Variants in HTR1E observed in about 807,000 individuals in gnomAD.
The protein encoded by HTR1E is 5-hydroxytryptamine receptor 1E, also known as 5-HT-1E.
HTR1E carries 3 observed loss-of-function variants against 3.4 expected under a neutral mutation model. The ratio of observed to expected loss-of-function variants is 0.89; its 90% CI spans 0.41 to 2.31. The LOEUF (loss-of-function observed/expected upper bound fraction) is 2.31, where lower values mean the gene tolerates loss of function less well. Among genes scored for constraint, HTR1E ranks in the 30% most tolerant of loss-of-function variants. The probability of loss-of-function intolerance (pLI) is 0.05; values close to 1 mark genes in which losing one functional copy is unlikely to be tolerated. For missense variants in HTR1E, 392 were observed against 467.0 expected, an observed-to-expected ratio of 0.84 and a Z score of 1.48; for synonymous variants, 170 against 182.8, an observed-to-expected ratio of 0.93 and a Z score of 0.56.
intron 1 of HTR1E, among the ~76,000 whole-genome samples, chr6:86,950,135 T>C (rs908980995): frequency 6.6e-6 from 1 of 152,242 alleles, no homozygotes; most frequent in African/African-American, 2.4e-5. Flanking sequence ...TTCAAATTCA[T>C]AATCATTGTT....
chr6:87,006,663 T>C (rs140351148), intron 1 of HTR1E, among the ~76,000 whole-genome samples: 6 of 152,174 alleles, frequency 3.9e-5, no homozygotes, highest in Admixed American at 6.5e-5. Context: ...AGCAAAAACA[T>C]GAAATCAACC....
intron 1 of HTR1E, among the ~76,000 whole-genome samples, chr6:86,973,577 T>A (rs143245838): frequency 2.7e-4 from 41 of 152,292 alleles, no homozygotes; most frequent in African/African-American, 9.9e-4. Context: ...CAAATACATA[T>A]GTTCTGTAGG....
chr6:86,945,832 A>G (rs547642675), intron 1 of HTR1E, among the ~76,000 whole-genome samples: 4 of 151,704 alleles, frequency 2.6e-5, no homozygotes, highest in Non-Finnish European at 4.4e-5. Flanking sequence ...CCGCCTCCCC[A>G]GTTTCAAGCA....
intron 1 of HTR1E, 73 bp from the exon 2 acceptor site, chr6:87,015,077 T>C (rs1378367556): frequency 6.8e-6 from 2 of 293,768 alleles, no homozygotes; most frequent in South Asian, 1.6e-4. Flanking sequence ...TTTATAAATA[T>C]CAAACTATTT....
intron 1 of HTR1E, among the ~76,000 whole-genome samples, chr6:86,961,352 G>T (rs1036845095): frequency 6.6e-6 from 1 of 152,096 alleles, no homozygotes; most frequent in South Asian, 2.1e-4. Flanking sequence ...TGTCAGGTTC[G>T]TAAGAAAAAG....
At chr6:86,949,356 C>CCTG (rs548419411) in intron 1 of HTR1E, among the ~76,000 whole-genome samples, 9 of 152,044 alleles carry the variant, frequency 5.9e-5, no homozygotes, top group East Asian at 1.9e-4. Context: ...TAAGTGTGTC[C>CCTG]CTGCTGCTGC....
chr6:86,973,088 T>C (rs961980108), intron 1 of HTR1E, among the ~76,000 whole-genome samples: 7 of 152,284 alleles, frequency 4.6e-5, no homozygotes, highest in South Asian at 2.1e-4. Context: ...TCTAGCAAGG[T>C]TGGATACCTC....
chr6:86,958,057 A>AT (rs1247030477), intron 1 of HTR1E, among the ~76,000 whole-genome samples: 11,240 of 131,196 alleles, frequency 0.086, 777 homozygotes, highest in East Asian at 0.18. Flanking sequence ...CAATAGAGGC[A>AT]TTTTTTTTTT....
chr6:86,997,725 G>C (rs1238011470), intron 1 of HTR1E, among the ~76,000 whole-genome samples: 1 of 151,562 alleles, frequency 6.6e-6, no homozygotes, highest in Non-Finnish European at 1.5e-5. Flanking sequence ...GTTAAAAGAT[G>C]GTAGACTTAA....
At chr6:86,980,674 T>C (rs1238992916) in intron 1 of HTR1E, among the ~76,000 whole-genome samples, 2 of 152,330 alleles carry the variant, frequency 1.3e-5, no homozygotes, top group South Asian at 2.1e-4. Flanking sequence ...TTATAATCAT[T>C]AAGTTTCTGA....
At chr6:86,978,957 C>A (rs1767675977) in intron 1 of HTR1E, among the ~76,000 whole-genome samples, 1 of 152,118 alleles carries the variant, frequency 6.6e-6, no homozygotes, top group Non-Finnish European at 1.5e-5. Context: ...CAAATTAAAC[C>A]CAAGAGAGTC....
chr6:87,009,556 C>T lies in HTR1E; in HGVS notation c.-185-5594C>T, dbSNP rs904127863. ...CAAAGCCGCCATTGTCATCCTGGCC[C>T]GTTCTCAATGAGCTGTTGGGCACAC... On this transcript the variant is annotated intron_variant, in intron 1 of 1. Coordinates refer to ENST00000305344, the MANE Select transcript of HTR1E (RefSeq NM_000865.3). Among the ~76,000 whole-genome samples the T allele has an allele frequency of 9.4e-5, 14 of 148,824 alleles. No homozygotes were observed. In the East Asian group the frequency reaches 2.4e-3, roughly 25 times the overall value.
At chr6:86,999,345 C>CA (rs1039635506) in intron 1 of HTR1E, among the ~76,000 whole-genome samples, 5 of 151,750 alleles carry the variant, frequency 3.3e-5, no homozygotes, top group South Asian at 4.2e-4. Context: ...TCTAACAATA[C>CA]AAAAAAATTA....
chr6:86,991,942 C>T (rs1391679152), intron 1 of HTR1E, among the ~76,000 whole-genome samples: 1 of 152,166 alleles, frequency 6.6e-6, no homozygotes, highest in Non-Finnish European at 1.5e-5. Context: ...ATATTATCAT[C>T]TCAAAAGTGG....
intron 1 of HTR1E, among the ~76,000 whole-genome samples, chr6:86,999,008 G>A (rs556375587): frequency 2.6e-5 from 4 of 152,166 alleles, no homozygotes; most frequent in Non-Finnish European, 4.4e-5. Context: ...CACCCAGGCG[G>A]GAGTGCAGTA....
At chr6:87,000,982 A>T (rs553778055) in intron 1 of HTR1E, among the ~76,000 whole-genome samples, 21 of 152,294 alleles carry the variant, frequency 1.4e-4, no homozygotes, top group Non-Finnish European at 2.5e-4. Flanking sequence ...AACAACAAAA[A>T]GTTTAAAAGT....
intron 1 of HTR1E, among the ~76,000 whole-genome samples, chr6:87,010,427 C>T (rs1312966636): frequency 4.0e-5 from 6 of 151,026 alleles, no homozygotes; most frequent in South Asian, 2.2e-4. Context: ...CCTCACTTCC[C>T]AGTAGGGGCG....
intron 1 of HTR1E, among the ~76,000 whole-genome samples, chr6:87,009,665 G>T (rs1350187269): frequency 2.0e-5 from 3 of 147,068 alleles, no homozygotes; most frequent in Non-Finnish European, 4.5e-5. Context: ...TCACCTCCCG[G>T]ACGGGGCGGC....
intron 1 of HTR1E, among the ~76,000 whole-genome samples, chr6:86,948,128 G>A (rs1210522493): frequency 5.9e-5 from 9 of 152,264 alleles, no homozygotes; most frequent in Admixed American, 2.6e-4. Flanking sequence ...GTGAGAACAC[G>A]TGGTGTTTGG....
Sources: allele counts gnomAD v4.1 joint callset (sites outside exome capture counted in the v4.1 genomes callset), GRCh38; gene constraint gnomAD v4.1.1; transcripts MANE v1.5; gene names NCBI Gene and HGNC (gene_info 2026-07-23, HGNC 2026-07-21).